GRAMD1B: variants seen among roughly 807,000 people sequenced by gnomAD.
GRAMD1B encodes GRAM domain containing 1B.
GRAMD1B carries 37 observed loss-of-function variants against 99.7 expected under a neutral mutation model. The observed-to-expected ratio is 0.37, with a 90% CI of 0.29 to 0.49. The LOEUF (loss-of-function observed/expected upper bound fraction) is 0.49, where lower values mean the gene tolerates loss of function less well. GRAMD1B is among the 20% of genes least tolerant of loss of function. The probability of loss-of-function intolerance (pLI) is 0.98; values close to 1 mark genes in which losing one functional copy is unlikely to be tolerated. For synonymous variants in GRAMD1B, 427 were observed against 387.6 expected (o/e 1.10, Z -1.19); for missense variants, 888 against 1,009.2 (o/e 0.88, Z 1.63).
intron 2 of GRAMD1B, among the ~76,000 whole-genome samples, chr11:123,548,319 T>TACACACACACACAC (rs1276539105): frequency 3.3e-4 from 35 of 105,168 alleles, no homozygotes; most frequent in South Asian, 8.2e-4. Flanking sequence ...TATATATATA[T>TACACACACACACAC]ATATATACAC....
intron 1 of GRAMD1B, among the ~76,000 whole-genome samples, chr11:123,411,074 G>T (rs541601318): frequency 6.6e-6 from 1 of 151,152 alleles, no homozygotes; most frequent in Non-Finnish European, 1.5e-5. Context: ...GCATGATCTC[G>T]GCTCACTGCA....
At chr11:123,389,592 T>G (rs1947200718) in intron 1 of GRAMD1B, among the ~76,000 whole-genome samples, 1 of 152,126 alleles carries the variant, frequency 6.6e-6, no homozygotes, top group Admixed American at 6.5e-5. Context: ...TAAGGAAAAC[T>G]GGATGAAGAA....
At chr11:123,618,847 G>T (rs1357602349) in intron 18 of GRAMD1B, 47 bp downstream of exon 18, 2 of 935,910 alleles carry the variant, frequency 2.1e-6, no homozygotes, top group Admixed American at 2.0e-5. Flanking sequence ...CCCACCCAGT[G>T]CCATGATACC....
At chr11:123,525,361 G>A (rs1440796091) in intron 2 of GRAMD1B, among the ~76,000 whole-genome samples, 2 of 152,144 alleles carry the variant, frequency 1.3e-5, no homozygotes, top group African/African-American at 4.8e-5. Flanking sequence ...TCACCACGGG[G>A]CCTCTGAGTT....
intron 1 of GRAMD1B, among the ~76,000 whole-genome samples, chr11:123,464,137 TAA>T (rs753545078): frequency 7.3e-6 from 1 of 137,676 alleles, no homozygotes. Flanking sequence ...ACCCCATTTC[TAA>T]AAAAAAAAAA....
In GRAMD1B at chr11:123,623,654, T is replaced by A. The variant is rs1400525564; in HGVS notation, c.*1059T>A. The A allele has an allele frequency of 6.6e-6, 1 of 152,186 alleles. No individual in the cohort carries two copies. The highest frequency in any genetic ancestry group is 1.5e-5 in the Non-Finnish European group (1 of 68,040). The allele number at this position is 152,186 out of a possible 1,614,324, so 9.4% of individuals were successfully genotyped here. ...TGTGAGTGGTGAGCACCAAGATGGG[T>A]TGCCAGCCTCATTTGCTCTTTGAAC... On this transcript the variant is annotated 3_prime_UTR_variant, in exon 20 of 20. Transcript: ENST00000635736.
chr11:123,521,128 C>T (rs538478811), intron 2 of GRAMD1B, among the ~76,000 whole-genome samples: 4 of 152,304 alleles, frequency 2.6e-5, no homozygotes, highest in Non-Finnish European at 5.9e-5. Context: ...ATGCAATCAT[C>T]CAACTTTATT....
At chr11:123,558,490 C>A (rs1196240315) in intron 2 of GRAMD1B, among the ~76,000 whole-genome samples, 2 of 152,162 alleles carry the variant, frequency 1.3e-5, no homozygotes, top group African/African-American at 4.8e-5. Context: ...TTTTTGACTT[C>A]ATCATCTTTT....
chr11:123,494,025 A>G (rs1217392668), intron 2 of GRAMD1B, among the ~76,000 whole-genome samples: 3 of 152,114 alleles, frequency 2.0e-5, no homozygotes, highest in East Asian at 1.9e-4. Flanking sequence ...TTATAATTGT[A>G]TTTATTTGTT....
At position 123,577,355 on chromosome 11, in the gene GRAMD1B, C is replaced by A. The variant is rs944674551; in HGVS notation, c.453-12C>A. ...TTTCCACCCCGCTCCCTCTCTCCAT[C>A]TGCCGCTGCAGCACTGCCAGTAACT... is the stretch of plus-strand genomic sequence containing the variant. On this transcript the variant is annotated splice_polypyrimidine_tract_variant and intron_variant, in intron 2 of 19. Transcript: ENST00000635736. The A allele has an allele frequency of 2.6e-6, 4 of 1,567,692 alleles. No individual in the cohort carries two copies. The African/African-American group carries it at 4.1e-5, about 16-fold the overall frequency.
chr11:123,410,279 A>G (rs1286602105), intron 1 of GRAMD1B, among the ~76,000 whole-genome samples: 4 of 152,212 alleles, frequency 2.6e-5, no homozygotes, highest in Non-Finnish European at 4.4e-5. Context: ...ATGCCAAAAA[A>G]AAAAGTGTGT....
intron 1 of GRAMD1B, among the ~76,000 whole-genome samples, chr11:123,407,268 A>T (rs200403096): frequency 5.4e-5 from 8 of 148,878 alleles, no homozygotes; most frequent in African/African-American, 2.0e-4. Context: ...CTTCCTTTGA[A>T]TTTTTTTTTT....
chr11:123,542,037 A>G (rs1342576153), intron 2 of GRAMD1B, among the ~76,000 whole-genome samples: 1 of 151,400 alleles, frequency 6.6e-6, no homozygotes, highest in Non-Finnish European at 1.5e-5. Context: ...ACTTCCCATC[A>G]CTCCCCCATA....
In GRAMD1B at chr11:123,591,116, C is replaced by T. The variant is rs896817491; in HGVS notation, c.685-2966C>T. ...GGCTACTCTCTGCCCGTGGACCAGC[C>T]GAGAAGAAAGCAGAGCCCGCCATGG... On this transcript the variant is annotated intron_variant, in intron 4 of 19. Transcript: ENST00000635736. This position sits in a 1 kb window ranked among gnomAD's most constrained non-coding sequence, Gnocchi z 4.7. 6 of 272,350 alleles carry T rather than the reference C, an allele frequency of 2.2e-5. No individual in the cohort carries two copies. Among genetic ancestry groups the T allele is most frequent in the Middle Eastern group, 1.0e-3 (1 of 970 alleles). The allele number at this position is 272,350 out of a possible 1,614,324, so 16.9% of individuals were successfully genotyped here.
At chr11:123,579,776 G>C (rs1949136994) in intron 3 of GRAMD1B, among the ~76,000 whole-genome samples, 1 of 152,200 alleles carries the variant, frequency 6.6e-6, no homozygotes, top group Non-Finnish European at 1.5e-5. Context: ...GGGATGTTCT[G>C]TAAGCTCCGA....
chr11:123,392,723 G>T (rs531388783), intron 1 of GRAMD1B, among the ~76,000 whole-genome samples: 122 of 152,202 alleles, frequency 8.0e-4, no homozygotes, highest in Non-Finnish European at 1.4e-3. Context: ...TCCAATAAAA[G>T]AAAGGCAGGA....
chr11:123,622,657 T>C lies in GRAMD1B; in HGVS notation c.*62T>C. On this transcript the variant is annotated 3_prime_UTR_variant, in exon 20 of 20. Coordinates refer to ENST00000635736, the MANE Select transcript of GRAMD1B (RefSeq NM_001387025.1). ...AATACATGTACATAGACCATATAAA[T>C]ATATATATATAAATATATATATATA... is the stretch of plus-strand genomic sequence containing the variant. 2.7e-6 allele frequency: 1 copy of C among 374,516 alleles called. No homozygotes were observed. The highest frequency in any genetic ancestry group is 4.8e-6 in the Non-Finnish European group (1 of 209,832). The allele number at this position is 374,516 out of a possible 1,614,324, so 23.2% of individuals were successfully genotyped here.
In GRAMD1B at chr11:123,430,628, G is replaced by T. The variant is rs1029658050; in HGVS notation, c.-165G>T. On this transcript the variant is annotated 5_prime_UTR_variant, in exon 1 of 20. Coordinates refer to ENST00000635736, the MANE Select transcript of GRAMD1B (RefSeq NM_001387025.1). ...TCCGGGCGGCGGCGCGCTACGCCGC[G>T]TCCCCTCGCGTCCCTTCCTCGCTGC... 6 of 484,624 alleles carry T rather than the reference G, an allele frequency of 1.2e-5. No homozygotes were observed. Among genetic ancestry groups the T allele is most frequent in the Non-Finnish European group, 2.2e-5 (6 of 276,816 alleles). The allele number at this position is 484,624 out of a possible 1,614,324, so 30.0% of individuals were successfully genotyped here.
chr11:123,622,437 G>A lies in GRAMD1B; in HGVS notation c.2545-69G>A, dbSNP rs1181955202. ...CCTGCCCTAGGCGGGTGTGGGGAGA[G>A]GGCTGCTCGGTGGAGAATCCCACTA... On this transcript the variant is annotated intron_variant, in intron 19 of 19. Coordinates refer to ENST00000635736, the MANE Select transcript of GRAMD1B (RefSeq NM_001387025.1). 6 of 946,708 alleles carry A rather than the reference G, an allele frequency of 6.3e-6. No homozygotes were observed. The Admixed American group carries it at 1.2e-4, about 19-fold the overall frequency. 58.6% of individuals were successfully genotyped at this position (946,708 alleles called of 1,614,324 possible).
Sources: gnomAD v4.1 joint callset for allele counts (sites outside exome capture counted in the v4.1 genomes callset) on GRCh38, gnomAD v4.1.1 for gene constraint, Gnocchi (gnomAD v3.1) non-coding constraint, MANE v1.5 for transcripts, NCBI Gene and HGNC (gene_info 2026-07-23, HGNC 2026-07-21) for gene names.